The following PTPRG variants were observed in gnomAD, a reference collection of about 807,000 sequenced individuals.
PTPRG encodes receptor-type tyrosine-protein phosphatase gamma.
PTPRG carries 102 observed loss-of-function variants against 165.3 expected under a neutral mutation model. The observed-to-expected ratio is 0.62, with a 90% CI of 0.53 to 0.73. The LOEUF is 0.73. PTPRG is among the 30% of genes least tolerant of loss of function. The probability of loss-of-function intolerance (pLI) is 0.00; values close to 1 mark genes in which losing one functional copy is unlikely to be tolerated. For missense variants in PTPRG, 1,866 were observed against 1,861.4 expected, an observed-to-expected ratio of 1.00 and a Z score of -0.05; for synonymous variants, 675 against 669.5, an observed-to-expected ratio of 1.01 and a Z score of -0.13.
chr3:61,665,839 G>T (rs766768143), intron 1 of PTPRG, among the ~76,000 whole-genome samples: 3 of 151,970 alleles, frequency 2.0e-5, no homozygotes, highest in Non-Finnish European at 4.4e-5. Flanking sequence ...TAAAGGAAAA[G>T]ATTTTGTTTT....
rs1453401813 is a variant in PTPRG, at chr3:61,694,025, A to AGAGAG, written c.86-54853_86-54852insGAGAG. 6.2e-4 allele frequency among the ~76,000 whole-genome samples: 90 copies of AGAGAG among 145,992 alleles called. 1 individual carries two copies. The highest frequency in any genetic ancestry group is 2.2e-3 in the African/African-American group (88 of 39,418). On this transcript the variant is annotated intron_variant, in intron 1 of 29. Transcript: ENST00000474889. ...TCCATCTCCAAAAAAAAAAAAAAAA[A>AGAGAG]AGAGAGAGAGAGAGAGAGGGAAGCA...
chr3:61,626,975 AT>A (rs1701627793), intron 1 of PTPRG, among the ~76,000 whole-genome samples: 1 of 152,198 alleles, frequency 6.6e-6, no homozygotes, highest in Non-Finnish European at 1.5e-5. Context: ...ATCCTGTTAT[AT>A]CCAATTTATG....
At chr3:62,124,042 T>C (rs1703186274) in intron 5 of PTPRG, among the ~76,000 whole-genome samples, 1 of 152,184 alleles carries the variant, frequency 6.6e-6, no homozygotes, top group Admixed American at 6.5e-5. Context: ...CCTGGGAAGA[T>C]GATCATTCTT....
intron 2 of PTPRG, among the ~76,000 whole-genome samples, chr3:61,932,505 G>T (rs542025538): frequency 4.3e-4 from 65 of 152,280 alleles, no homozygotes; most frequent in Non-Finnish European, 7.9e-4. Context: ...TAAAAGGGTC[G>T]AATATAAAAA....
At chr3:62,234,793 T>C (rs777806757) in intron 14 of PTPRG, among the ~76,000 whole-genome samples, 9 of 152,154 alleles carry the variant, frequency 5.9e-5, no homozygotes, top group Non-Finnish European at 1.3e-4. Flanking sequence ...TTTTCTGCTT[T>C]GTTTTCTAGA....
chr3:62,028,541 A>G (rs751572813), intron 4 of PTPRG, among the ~76,000 whole-genome samples: 4 of 152,220 alleles, frequency 2.6e-5, no homozygotes, highest in Non-Finnish European at 4.4e-5. Context: ...CTTTCCATTC[A>G]TATTTAAGCC....
chr3:62,036,638 T>C (rs1211112804), intron 4 of PTPRG, among the ~76,000 whole-genome samples: 3 of 152,342 alleles, frequency 2.0e-5, no homozygotes, highest in South Asian at 4.1e-4. Context: ...GTTCTAATGG[T>C]ACACTTAGAT....
At chr3:61,747,053 G>A (rs2033234950) in intron 1 of PTPRG, among the ~76,000 whole-genome samples, 1 of 152,094 alleles carries the variant, frequency 6.6e-6, no homozygotes. Context: ...GAACCCAGGG[G>A]TTAAGGTTGC....
At chr3:61,705,770 TACC>T (rs2031217902) in intron 1 of PTPRG, among the ~76,000 whole-genome samples, 1 of 152,222 alleles carries the variant, frequency 6.6e-6, no homozygotes, top group African/African-American at 2.4e-5. Context: ...TGAACAGTGG[TACC>T]CCGTATTCAT....
chr3:61,784,801 C>A (rs893931118), intron 2 of PTPRG, among the ~76,000 whole-genome samples: 1 of 152,014 alleles, frequency 6.6e-6, no homozygotes, highest in South Asian at 2.1e-4. Context: ...TATCCTTGAC[C>A]TTTTTTGAAA....
intron 2 of PTPRG, among the ~76,000 whole-genome samples, chr3:61,968,548 G>A (rs2040320651): frequency 6.6e-6 from 1 of 152,150 alleles, no homozygotes; most frequent in Admixed American, 6.6e-5. Context: ...AATATTTGTG[G>A]TAAATTTTAG....
Position 61,935,531 on chromosome 3 carries a change from A to G in PTPRG, c.191-54094A>G, listed in dbSNP as rs375155673. Among the ~76,000 whole-genome samples the G allele has an allele frequency of 1.4e-3, 208 of 152,150 alleles. 3 individuals carry two copies. Among genetic ancestry groups the G allele is most frequent in the Middle Eastern group, 6.8e-3 (2 of 294 alleles). ...TTCTCCAGATGCAAAAAGAAACACT[A>G]CCTAAAGCAGTGTAGACAGTTTAGG... On this transcript the variant is annotated intron_variant, in intron 2 of 29. Coordinates refer to ENST00000474889, the MANE Select transcript of PTPRG (RefSeq NM_002841.4).
At chr3:61,650,550 A>AC (rs1702322494) in intron 1 of PTPRG, among the ~76,000 whole-genome samples, 1 of 152,184 alleles carries the variant, frequency 6.6e-6, no homozygotes, top group Admixed American at 6.5e-5. Context: ...CACAGGGAAG[A>AC]CCGTAGACCT....
chr3:62,243,891 T>C lies in PTPRG; in HGVS notation c.2460T>C (p.Pro820=). ...CTAATGAAAGTATCCCTATTATTCC[T>C]ATTCCGGGTAAGTAAGACACTGCTC... ...VVPNESIPII[P]IPDDMEAIPV... Residue 820 remains proline, a synonymous_variant, in exon 15 of 30, where the codon CCT becomes CCC. Coordinates refer to ENST00000474889, the MANE Select transcript of PTPRG (RefSeq NM_002841.4). The C allele has an allele frequency of 1.3e-6, 2 of 1,528,176 alleles. No individual in the cohort carries two copies. The highest frequency in any genetic ancestry group is 1.8e-6 in the Non-Finnish European group (2 of 1,104,102). 94.7% of individuals were successfully genotyped at this position (1,528,176 alleles called of 1,614,324 possible).
chr3:61,748,033 C>T (rs1039832531), intron 1 of PTPRG, among the ~76,000 whole-genome samples: 22 of 152,144 alleles, frequency 1.4e-4, no homozygotes, highest in Non-Finnish European at 3.1e-4. Flanking sequence ...GATGGAAGCT[C>T]TCCATAATGG....
chr3:62,286,275 G>A (rs1186393022), intron 28 of PTPRG, among the ~76,000 whole-genome samples: 1 of 152,066 alleles, frequency 6.6e-6, no homozygotes, highest in Non-Finnish European at 1.5e-5. Context: ...AGAGCCTTAT[G>A]GAAGGCTTTC....
chr3:61,770,140 C>T (rs1185464733), intron 2 of PTPRG: 4 of 152,094 alleles, frequency 2.6e-5, no homozygotes, highest in Non-Finnish European at 4.4e-5. Flanking sequence ...CCCTTGGATT[C>T]GTGCTATATC....
intron 7 of PTPRG, among the ~76,000 whole-genome samples, chr3:62,159,851 A>G (rs1400082486): frequency 6.6e-6 from 1 of 152,214 alleles, no homozygotes. Flanking sequence ...TCATGTGGCC[A>G]AACTGGATCC....
At chr3:61,904,945 A>T (rs1184420026) in intron 2 of PTPRG, among the ~76,000 whole-genome samples, 1 of 151,920 alleles carries the variant, frequency 6.6e-6, no homozygotes, top group Non-Finnish European at 1.5e-5. Context: ...AATGTTGTAA[A>T]TGGGTAGAAA....
Sources: gnomAD v4.1 joint callset for allele counts (sites outside exome capture counted in the v4.1 genomes callset) on GRCh38, gnomAD v4.1.1 for gene constraint, MANE v1.5 for transcripts, NCBI Gene and HGNC (gene_info 2026-07-23, HGNC 2026-07-21) for gene names.